The following ACYP2 variants were observed in gnomAD, a reference collection of about 807,000 sequenced individuals.
ACYP2 encodes acylphosphatase 2.
Under a neutral mutation model 11.2 loss-of-function variants are expected in ACYP2, and 12 were observed. The observed-to-expected ratio is 1.08, with a 90% CI of 0.69 to 1.74. ACYP2 has a LOEUF of 1.74. ACYP2 is among the 40% of genes most tolerant of loss of function. The probability of loss-of-function intolerance (pLI) is 0.00; values close to 1 mark genes in which losing one functional copy is unlikely to be tolerated. For missense variants in ACYP2, 134 were observed against 101.9 expected (o/e 1.31, Z -1.35); for synonymous variants, 43 against 32.2 (o/e 1.33, Z -1.13).
intron 6 of ACYP2, among the ~76,000 whole-genome samples, chr2:54,193,168 G>C (rs1183498194): frequency 6.6e-6 from 1 of 152,178 alleles, no homozygotes; most frequent in Non-Finnish European, 1.5e-5. Flanking sequence ...AGTGTTAACT[G>C]TCCTTTTAAA....
chr2:54,175,925 C>T (rs1239533102), intron 6 of ACYP2, among the ~76,000 whole-genome samples: 1 of 152,114 alleles, frequency 6.6e-6, no homozygotes, highest in Non-Finnish European at 1.5e-5. Context: ...AAGGGCAGAG[C>T]TCTCACAAAT....
intron 4 of ACYP2, among the ~76,000 whole-genome samples, chr2:54,093,640 T>C (rs1416323567): frequency 6.6e-6 from 1 of 152,186 alleles, no homozygotes; most frequent in African/African-American, 2.4e-5. Flanking sequence ...ATAACAATGA[T>C]ATTAAATAAA....
chr2:54,236,702 C>T (rs190194018), intron 6 of ACYP2, among the ~76,000 whole-genome samples: 2 of 152,130 alleles, frequency 1.3e-5, no homozygotes, highest in Admixed American at 6.5e-5. Context: ...AGGTCAAATA[C>T]GTAAAAAGTA....
chr2:54,266,546 CTAGATAAAGATAGATAGA>C (rs201391086), intron 6 of ACYP2, among the ~76,000 whole-genome samples: 3,511 of 134,740 alleles, frequency 0.026, 73 homozygotes, highest in Non-Finnish European at 0.026. Flanking sequence ...ATAGATATAG[CTAGATAAAGATAGATAGA>C]TAGATAGATA....
intron 6 of ACYP2, among the ~76,000 whole-genome samples, chr2:54,184,997 C>G (rs1033360709): frequency 3.3e-5 from 5 of 152,064 alleles, no homozygotes; most frequent in East Asian, 1.9e-4. Flanking sequence ...AGGTGCCCAC[C>G]ACCACGCCTG....
intron 6 of ACYP2, among the ~76,000 whole-genome samples, chr2:54,139,063 G>T (rs1275013471): frequency 6.6e-6 from 1 of 152,238 alleles, no homozygotes; most frequent in Non-Finnish European, 1.5e-5. Flanking sequence ...GGCCTGTGAA[G>T]AAATTCTCAG....
chr2:54,168,321 G>C (rs1482917787), intron 6 of ACYP2, among the ~76,000 whole-genome samples: 3 of 152,142 alleles, frequency 2.0e-5, no homozygotes, highest in Non-Finnish European at 4.4e-5. Flanking sequence ...CAGCTACTTG[G>C]GAGGCTGAGG....
chr2:54,081,608 C>T (rs555382039), intron 4 of ACYP2, among the ~76,000 whole-genome samples: 1 of 152,208 alleles, frequency 6.6e-6, no homozygotes, highest in East Asian at 1.9e-4. Context: ...AATGCTTGCC[C>T]AGTGATGAAA....
At chr2:54,098,127 TA>T (rs1454213717) in intron 4 of ACYP2, among the ~76,000 whole-genome samples, 1 of 150,776 alleles carries the variant, frequency 6.6e-6, no homozygotes, top group Non-Finnish European at 1.5e-5. Flanking sequence ...CATGACTGGC[TA>T]ATTTTTTAAA....
At chr2:54,099,917 G>A (rs1282879649) in intron 4 of ACYP2, among the ~76,000 whole-genome samples, 1 of 152,138 alleles carries the variant, frequency 6.6e-6, no homozygotes, top group East Asian at 1.9e-4. Flanking sequence ...CCAACAATGC[G>A]CAATGTTCCC....
chr2:54,244,028 T>C (rs1241631123), intron 6 of ACYP2, among the ~76,000 whole-genome samples: 1 of 152,110 alleles, frequency 6.6e-6, no homozygotes, highest in Non-Finnish European at 1.5e-5. Context: ...TGTTTTCTTC[T>C]AGTATTTTAA....
intron 6 of ACYP2, among the ~76,000 whole-genome samples, chr2:54,200,439 C>G (rs1238017759): frequency 6.6e-6 from 1 of 152,162 alleles, no homozygotes; most frequent in Non-Finnish European, 1.5e-5. Flanking sequence ...CCCTCAAACC[C>G]TGGCAACCAC....
intron 6 of ACYP2, among the ~76,000 whole-genome samples, chr2:54,281,246 G>A (rs1341444193): frequency 6.6e-6 from 1 of 152,140 alleles, no homozygotes; most frequent in Non-Finnish European, 1.5e-5. Context: ...CAGAAGTCAG[G>A]GATCAATTTC....
At chr2:54,230,966 G>A (rs1451000332) in intron 6 of ACYP2, among the ~76,000 whole-genome samples, 1 of 151,372 alleles carries the variant, frequency 6.6e-6, no homozygotes, top group Non-Finnish European at 1.5e-5. Flanking sequence ...GAGTAGCTGG[G>A]ATTACAGGCG....
chr2:54,265,327 A>G lies in ACYP2; in HGVS notation c.405-39361A>G, dbSNP rs193128295. Among the ~76,000 whole-genome samples, 627 of 152,306 alleles carry G rather than the reference A, an allele frequency of 4.1e-3. 1 individual carries two copies. The highest frequency in any genetic ancestry group is 7.3e-3 in the Non-Finnish European group (495 of 68,016). On this transcript the variant is annotated intron_variant, in intron 6 of 6. Coordinates refer to ENST00000607452, the MANE Select transcript of ACYP2 (RefSeq NM_001320586.2). ...AGACAGCTTGTAAATGGAAACTCCCATTTTTAAAACCATCAGATCTTATGA... is the reference window on the plus strand; with the variant it reads ...AGACAGCTTGTAAATGGAAACTCCCGTTTTTAAAACCATCAGATCTTATGA...
chr2:54,296,586 A>G (rs1033257042), intron 6 of ACYP2, among the ~76,000 whole-genome samples: 3 of 152,326 alleles, frequency 2.0e-5, no homozygotes, highest in South Asian at 2.1e-4. Flanking sequence ...TGTCTCCACC[A>G]CTGTTTATGA....
intron 4 of ACYP2, among the ~76,000 whole-genome samples, chr2:54,127,561 C>G (rs1680605025): frequency 6.6e-6 from 1 of 152,010 alleles, no homozygotes; most frequent in African/African-American, 2.4e-5. Context: ...GAAACCCCAT[C>G]TCTACTAAAA....
intron 6 of ACYP2, among the ~76,000 whole-genome samples, chr2:54,188,763 C>T (rs1684116949): frequency 6.6e-6 from 1 of 152,160 alleles, no homozygotes; most frequent in Non-Finnish European, 1.5e-5. Flanking sequence ...CCACCCCAGA[C>T]CTCCCAAATC....
At chr2:54,056,280 C>T (rs1157175071) in intron 3 of ACYP2, among the ~76,000 whole-genome samples, 1 of 152,198 alleles carries the variant, frequency 6.6e-6, no homozygotes, top group Non-Finnish European at 1.5e-5. Context: ...AAGATATCAC[C>T]ATTCACGGCC....
Sources: allele counts gnomAD v4.1 joint callset (sites outside exome capture counted in the v4.1 genomes callset), GRCh38; gene constraint gnomAD v4.1.1; transcripts MANE v1.5; gene names NCBI Gene and HGNC (gene_info 2026-07-23, HGNC 2026-07-21).